Variants in ERBB4 observed in about 807,000 individuals in gnomAD.
ERBB4 encodes the protein erb-b2 receptor tyrosine kinase 4.
In ERBB4, 42 loss-of-function variants were observed where a neutral mutation model predicts 158.0. The observed-to-expected ratio is 0.27, with a 90% CI of 0.21 to 0.34. The LOEUF is 0.34. Ranked by LOEUF, ERBB4 falls within the 10% of genes least tolerant of loss-of-function variation. The pLI, the probability that ERBB4 is intolerant of heterozygous loss-of-function variation, is 1.00. For synonymous variants in ERBB4, 583 were observed against 558.7 expected (o/e 1.04, Z -0.61); for missense variants, 1,333 against 1,624.1 (o/e 0.82, Z 3.08).
chr2:211,877,033 C>T (rs1441862731), intron 3 of ERBB4, among the ~76,000 whole-genome samples: 1 of 152,146 alleles, frequency 6.6e-6, no homozygotes, highest in Non-Finnish European at 1.5e-5. Context: ...TCCTTAATTA[C>T]GGAACCTCTC....
intron 25 of ERBB4, among the ~76,000 whole-genome samples, chr2:211,394,171 A>G (rs1259736794): frequency 6.6e-6 from 1 of 152,108 alleles, no homozygotes; most frequent in Non-Finnish European, 1.5e-5. Flanking sequence ...TGCTGCTTTG[A>G]GCAATAGTAT....
Position 212,323,956 on chromosome 2 carries a change from G to C in ERBB4, c.83-199053C>G, listed in dbSNP as rs1332899886. Among the ~76,000 whole-genome samples, 16 of 150,376 alleles carry C rather than the reference G, an allele frequency of 1.1e-4. 1 individual carries two copies. Among genetic ancestry groups the C allele is most frequent in the Non-Finnish European group, 2.2e-4 (15 of 67,150 alleles). On this transcript the variant is annotated intron_variant, in intron 1 of 27. Transcript: ENST00000342788. ...CGGAGCCATGCCCACCACACCTCAC[G>C]CCTTAGTTTGCTCTGCCTTCATCAC...
intron 1 of ERBB4, among the ~76,000 whole-genome samples, chr2:212,300,157 T>G (rs1207084638): frequency 6.6e-6 from 1 of 151,538 alleles, no homozygotes; most frequent in East Asian, 2.0e-4. Context: ...GATTCATTAC[T>G]TTTGTGGTGT....
chr2:212,029,223 CAGA>C (rs2076845292), intron 2 of ERBB4, among the ~76,000 whole-genome samples: 1 of 152,140 alleles, frequency 6.6e-6, no homozygotes, highest in Non-Finnish European at 1.5e-5. Context: ...TCCTGCTCTG[CAGA>C]AGGAGTCACA....
chr2:212,280,249 T>C (rs2106146636), intron 1 of ERBB4, among the ~76,000 whole-genome samples: 1 of 151,806 alleles, frequency 6.6e-6, no homozygotes, highest in East Asian at 1.9e-4. Flanking sequence ...TTTTTGCTAG[T>C]AGAACATATT....
intron 1 of ERBB4, among the ~76,000 whole-genome samples, chr2:212,443,640 G>A (rs2092296886): frequency 6.6e-6 from 1 of 152,214 alleles, no homozygotes; most frequent in African/African-American, 2.4e-5. Flanking sequence ...AGAAGGCTCT[G>A]CAACAGGTCC....
chr2:211,888,702 C>A (rs1362124719), intron 3 of ERBB4, among the ~76,000 whole-genome samples: 1 of 150,210 alleles, frequency 6.7e-6, no homozygotes, highest in Non-Finnish European at 1.5e-5. Flanking sequence ...GCACCGTGCG[C>A]GAGCCGAAGC....
Position 212,483,186 on chromosome 2 carries a change from C to T in ERBB4, c.82+55263G>A, listed in dbSNP as rs75490266. Reference sequence around the variant, plus strand: ...TCGTACCATCTGCTGAGCTTCTATCCCTGTCTTCCTGTGAAATTCACTGGA... The same window carrying T: ...TCGTACCATCTGCTGAGCTTCTATCTCTGTCTTCCTGTGAAATTCACTGGA... On this transcript the variant is annotated intron_variant, in intron 1 of 27. Coordinates refer to ENST00000342788, the MANE Select transcript of ERBB4 (RefSeq NM_005235.3). Among the ~76,000 whole-genome samples, 1,318 of 152,282 alleles carry T rather than the reference C, an allele frequency of 8.7e-3. 16 individuals are homozygous for T. Among genetic ancestry groups the T allele is most frequent in the African/African-American group, 0.03 (1,246 of 41,542 alleles).
rs562791577 is a variant in ERBB4 at position 211,762,097 on chromosome 2, T to C, written c.557-11393A>G. On this transcript the variant is annotated intron_variant, in intron 4 of 27. Coordinates refer to ENST00000342788, the MANE Select transcript of ERBB4 (RefSeq NM_005235.3). ...AGCAGTAATCAATGTTAGTTCCCTT[T>C]TTCTTCCATCGCAACACATTACATA... Among the ~76,000 whole-genome samples the C allele has an allele frequency of 2.6e-5, 4 of 152,334 alleles. No individual in the cohort carries two copies. The South Asian group carries it at 6.2e-4, about 24-fold the overall frequency.
At chr2:211,516,082 T>C (rs1005870473) in intron 20 of ERBB4, among the ~76,000 whole-genome samples, 4 of 149,688 alleles carry the variant, frequency 2.7e-5, no homozygotes, top group African/African-American at 9.8e-5. Context: ...GCCTAGCTAA[T>C]TTTTTGTATT....
chr2:212,312,484 C>T (rs1015625632), intron 1 of ERBB4, among the ~76,000 whole-genome samples: 10 of 150,852 alleles, frequency 6.6e-5, no homozygotes, highest in Non-Finnish European at 1.2e-4. Context: ...TAATTTAGTG[C>T]ACTAAAATTT....
intron 1 of ERBB4, among the ~76,000 whole-genome samples, chr2:212,351,139 C>A (rs1018617261): frequency 6.6e-6 from 1 of 152,030 alleles, no homozygotes; most frequent in Admixed American, 6.6e-5. Flanking sequence ...TAAAATGAGG[C>A]CATTAGGGTG....
intron 20 of ERBB4, among the ~76,000 whole-genome samples, chr2:211,528,918 A>G (rs920422589): frequency 6.6e-6 from 1 of 152,032 alleles, no homozygotes; most frequent in Non-Finnish European, 1.5e-5. Flanking sequence ...AAACTTCAAG[A>G]AAATAACCTA....
In ERBB4 at chr2:212,206,589, C is replaced by CTTTTTTT. The variant is rs5838309; in HGVS notation, c.83-81693_83-81687dup. ...ATGAACTGTCTCCGTCTGTTCTGTT[C>CTTTTTTT]TTTTTTTTTTTTTTTTGAGACGGAG... On this transcript the variant is annotated intron_variant, in intron 1 of 27. Transcript: ENST00000342788. 9.7e-4 allele frequency among the ~76,000 whole-genome samples: 113 copies of CTTTTTTT among 116,434 alleles called. 11 individuals are homozygous for CTTTTTTT. The highest frequency in any genetic ancestry group is 1.5e-3 in the Non-Finnish European group (85 of 55,880). The allele number at this position is 116,434 out of a possible 152,430, so 76.4% of individuals were successfully genotyped here.
intron 3 of ERBB4, among the ~76,000 whole-genome samples, chr2:211,863,845 G>T (rs574929391): frequency 6.6e-6 from 1 of 152,182 alleles, no homozygotes; most frequent in Non-Finnish European, 1.5e-5. Context: ...ACCTATAGGG[G>T]TCTAACATTC....
chr2:211,779,529 C>T (rs770135124), intron 4 of ERBB4: 1 of 152,152 alleles, frequency 6.6e-6, no homozygotes, highest in Non-Finnish European at 1.5e-5. Flanking sequence ...TTGGTCTATC[C>T]GGTATGCCTT....
intron 1 of ERBB4, among the ~76,000 whole-genome samples, chr2:212,304,403 C>T (rs1184000563): frequency 2.0e-5 from 3 of 151,526 alleles, no homozygotes; most frequent in Non-Finnish European, 4.4e-5. Context: ...CTAAAGTCAA[C>T]ATGCATGAGA....
intron 12 of ERBB4, among the ~76,000 whole-genome samples, chr2:211,701,567 T>C (rs987997542): frequency 4.0e-5 from 6 of 151,868 alleles, no homozygotes; most frequent in African/African-American, 7.3e-5. Context: ...CCATCCTGGC[T>C]AACACAGCGA....
At position 211,957,460 on chromosome 2, in the gene ERBB4, T is replaced by A. The variant is rs2081064886; in HGVS notation, c.235-9844A>T. Among the ~76,000 whole-genome samples, 4 of 152,144 alleles carry A rather than the reference T, an allele frequency of 2.6e-5. 1 individual carries two copies. The highest frequency in any genetic ancestry group is 2.6e-4 in the Admixed American group (4 of 15,252). The stretch of plus-strand genomic sequence containing the variant: ...AATATCTGTTGTTTAAGCCACCCAG[T>A]CTGTGGTACTTTGTTATGGCATTCC... On this transcript the variant is annotated intron_variant, in intron 2 of 27. Coordinates refer to ENST00000342788, the MANE Select transcript of ERBB4 (RefSeq NM_005235.3).
Sources: gnomAD v4.1 joint callset for allele counts (sites outside exome capture counted in the v4.1 genomes callset) on GRCh38, gnomAD v4.1.1 for gene constraint, MANE v1.5 for transcripts, NCBI Gene and HGNC (gene_info 2026-07-23, HGNC 2026-07-21) for gene names.